RABEP2: variants seen among roughly 807,000 people sequenced by gnomAD.
RABEP2 encodes the protein rabaptin, RAB GTPase binding effector protein 2.
RABEP2 carries 57 observed loss-of-function variants against 74.1 expected under a neutral mutation model. The observed-to-expected ratio is 0.77, with a 90% CI of 0.62 to 0.96. The LOEUF is 0.96. Among genes scored for constraint, RABEP2 ranks in the 40% least tolerant of loss-of-function variants. RABEP2 has a pLI of 0.00. For missense variants in RABEP2, 692 were observed against 756.3 expected, an observed-to-expected ratio of 0.91 and a Z score of 1.00; for synonymous variants, 351 against 344.0, an observed-to-expected ratio of 1.02 and a Z score of -0.23.
At chr16:28,918,507 C>T (rs1412426670) in intron 3 of RABEP2, among the ~76,000 whole-genome samples, 5 of 151,294 alleles carry the variant, frequency 3.3e-5, no homozygotes, top group South Asian at 2.1e-4. Flanking sequence ...TCCAGCTATT[C>T]GGGAGGCTGA....
At position 28,905,457 on chromosome 16, in the gene RABEP2, T is replaced by G; in HGVS notation, c.1548A>C (p.Ala516=). The change falls in exon 12 of 13, where the codon GCA becomes GCC. Residue 516 remains alanine (A), a synonymous_variant. Transcript: ENST00000358201. The stretch of plus-strand genomic sequence containing the variant: ...GCACCTGCTCACTGGTCTCCAGCTC[T>G]GCCTGCAGCCGCAGCACCTTGGCCC... ...EQRAKVLRLQ[A]ELETSEQVQR... is the part of the protein sequence containing the mutation. 6.2e-7 allele frequency: 1 copy of G among 1,608,560 alleles called. No homozygotes were observed. Among genetic ancestry groups the G allele is most frequent in the African/African-American group, 1.3e-5 (1 of 75,022 alleles).
At chr16:28,922,893 G>GAA (rs200265811) in intron 2 of RABEP2, among the ~76,000 whole-genome samples, 6 of 142,246 alleles carry the variant, frequency 4.2e-5, no homozygotes, top group East Asian at 2.0e-4. Context: ...CACTGTCTCA[G>GAA]AAAAAAAAAA....
rs1194517757 is a variant in RABEP2 at position 28,905,517 on chromosome 16, C to T, written c.1492-4G>A. On this transcript the variant is annotated splice_region_variant and splice_polypyrimidine_tract_variant and intron_variant, in intron 11 of 12. Transcript: ENST00000358201. ...AGAGGAGGTCTGGGAGCTGGGCCTG[C>T]GGGGACAGACACCACACTGAGCTGG... is the stretch of plus-strand genomic sequence containing the variant. 22 of 1,608,370 alleles carry T rather than the reference C, an allele frequency of 1.4e-5. No homozygotes were observed. The highest frequency in any genetic ancestry group is 4.0e-5 in the African/African-American group (3 of 74,692).
intron 5 of RABEP2, 136 bp downstream of exon 5, chr16:28,914,100 C>T: frequency 2.8e-6 from 2 of 717,446 alleles, no homozygotes; most frequent in Non-Finnish European, 4.5e-6. Context: ...ATCTGCCTGC[C>T]TTCACCAGGA....
chr16:28,920,404 G>T (rs1416161991), intron 2 of RABEP2, among the ~76,000 whole-genome samples: 1 of 141,966 alleles, frequency 7.0e-6, no homozygotes, highest in Non-Finnish European at 1.5e-5. Context: ...TTATTATTTT[G>T]AGACAGAGTC....
At chr16:28,920,977 C>T in intron 2 of RABEP2, 1 of 334,134 alleles carries the variant, frequency 3.0e-6, no homozygotes, top group South Asian at 2.3e-5. Context: ...AATCCTCCCA[C>T]CTCAGTGCCC....
chr16:28,912,353 G>T (rs1363783995), intron 5 of RABEP2, among the ~76,000 whole-genome samples: 5 of 150,274 alleles, frequency 3.3e-5, no homozygotes, highest in Non-Finnish European at 7.4e-5. Context: ...CAGCCTCTCA[G>T]CTTCTCCTGT....
chr16:28,921,813 A>T (rs1194296953), intron 2 of RABEP2, among the ~76,000 whole-genome samples: 1 of 151,618 alleles, frequency 6.6e-6, no homozygotes, highest in Non-Finnish European at 1.5e-5. Context: ...GAAAACACAA[A>T]ATTTAACCAG....
chr16:28,914,452 G>A lies in RABEP2; in HGVS notation c.678C>T (p.His226=). ...AGATGGAGGCGCTGTCATCGCAGTT[G>A]TGAGCGAAGGCCTCAGCGGCTGGAC... ...DGGPAAEAFA[H]NCDDSASISS... Residue 226 remains histidine (H), a synonymous_variant, in exon 5 of 13, where the codon CAC becomes CAT. Coordinates refer to ENST00000358201, the MANE Select transcript of RABEP2 (RefSeq NM_024816.3). 1 of 1,613,528 alleles carries A rather than the reference G, an allele frequency of 6.2e-7. No individual in the cohort carries two copies. The highest frequency in any genetic ancestry group is 8.5e-7 in the Non-Finnish European group (1 of 1,179,932).
At chr16:28,908,172 C>A (rs1276773689) in intron 8 of RABEP2, among the ~76,000 whole-genome samples, 2 of 152,112 alleles carry the variant, frequency 1.3e-5, no homozygotes, top group Non-Finnish European at 2.9e-5. Flanking sequence ...AATTCCTGAC[C>A]TCAAGTGATC....
chr16:28,911,669 A>G (rs1029150699), intron 5 of RABEP2, among the ~76,000 whole-genome samples: 1 of 151,392 alleles, frequency 6.6e-6, no homozygotes, highest in Non-Finnish European at 1.5e-5. Context: ...AAAAAAAAAA[A>G]AAACAGGGCC....
At chr16:28,924,338 C>T (rs1964505843) in intron 2 of RABEP2, 65 bp downstream of exon 2, 1 of 1,483,740 alleles carries the variant, frequency 6.7e-7, no homozygotes, top group Non-Finnish European at 9.3e-7. Context: ...GCCCCCAATC[C>T]CTTTCTCGTC....
In RABEP2 at chr16:28,924,946, C is replaced by T. The variant is rs752326915; in HGVS notation, c.61+157G>A. 4.9e-4 allele frequency: 466 copies of T among 952,168 alleles called. 5 individuals are homozygous for T. The East Asian group carries it at 8.2e-3, about 17-fold the overall frequency. 59.0% of individuals were successfully genotyped at this position (952,168 alleles called of 1,614,324 possible). Reference sequence around the variant, plus strand: ...ACCCCTTCAATGGCCGGGCCACGCCCCCTTTTGCCTGTGGCTGTAGGCCCC... The same window carrying T: ...ACCCCTTCAATGGCCGGGCCACGCCTCCTTTTGCCTGTGGCTGTAGGCCCC... On this transcript the variant is annotated intron_variant, in intron 1 of 12. Coordinates refer to ENST00000358201, the MANE Select transcript of RABEP2 (RefSeq NM_024816.3).
In RABEP2 at chr16:28,914,248, C is replaced by T; in HGVS notation, c.882G>A (p.Gln294=). ...CCACAACACTCACCTCTGTCTGCAG[C>T]TGCTCCCACTGAGTGTCTGGGACGA... The part of the protein sequence containing the change: ...YQLVPDTQWE[Q]LQTEGRQLQK... Residue 294 remains glutamine (Q), a synonymous_variant, in exon 5 of 13, where the codon CAG becomes CAA. Coordinates refer to ENST00000358201, the MANE Select transcript of RABEP2 (RefSeq NM_024816.3). 1 of 1,601,872 alleles carries T rather than the reference C, an allele frequency of 6.2e-7. No individual in the cohort carries two copies. The highest frequency in any genetic ancestry group is 8.5e-7 in the Non-Finnish European group (1 of 1,174,826).
Position 28,919,954 on chromosome 16 carries a change from A to G in RABEP2, c.275-11T>C, listed in dbSNP as rs1964447857. 3 of 868,034 alleles carry G rather than the reference A, an allele frequency of 3.5e-6. No individual in the cohort carries two copies. The highest frequency in any genetic ancestry group is 4.7e-5 in the East Asian group (1 of 21,374). 53.8% of individuals were successfully genotyped at this position (868,034 alleles called of 1,614,324 possible). On this transcript the variant is annotated splice_polypyrimidine_tract_variant and intron_variant, in intron 2 of 12. Transcript: ENST00000358201. ...AGCTGCTGATGGAGTCTGGTGGGGG[A>G]GAGGGAGGGTGGGAGAGAGGGAGGG...
intron 2 of RABEP2, among the ~76,000 whole-genome samples, chr16:28,920,190 A>C (rs1238732405): frequency 6.6e-6 from 1 of 152,064 alleles, no homozygotes; most frequent in African/African-American, 2.4e-5. Context: ...ATGAGATGAC[A>C]TATCTAAGAT....
intron 7 of RABEP2, 46 bp from the exon 8 acceptor site, chr16:28,908,810 C>T (rs1390140124): frequency 6.3e-7 from 1 of 1,582,858 alleles, no homozygotes; most frequent in African/African-American, 1.3e-5. Context: ...GACAGGGCGT[C>T]TCCAGTCCCT....
At chr16:28,915,703 C>G (rs971477352) in intron 3 of RABEP2, among the ~76,000 whole-genome samples, 1 of 151,846 alleles carries the variant, frequency 6.6e-6, no homozygotes. Context: ...CGCCACCACG[C>G]CCGGCTAATT....
At chr16:28,924,918 C>T (rs1300552477) in intron 1 of RABEP2, 185 bp downstream of exon 1, 5 of 841,186 alleles carry the variant, frequency 5.9e-6, no homozygotes, top group Middle Eastern at 2.2e-4. Context: ...TGTCACTGGC[C>T]CTACCCCTTC....
Sources: allele counts gnomAD v4.1 joint callset (sites outside exome capture counted in the v4.1 genomes callset), GRCh38; gene constraint gnomAD v4.1.1; transcripts MANE v1.5; gene names NCBI Gene and HGNC (gene_info 2026-07-23, HGNC 2026-07-21).